SLC22A4: variants seen among roughly 807,000 people sequenced by gnomAD.
SLC22A4 encodes the protein solute carrier family 22 member 4.
A neutral mutation model predicts 56.6 loss-of-function variants in SLC22A4; 39 were observed. The ratio of observed to expected loss-of-function variants is 0.69; its 90% CI spans 0.53 to 0.90. The LOEUF is 0.90. Among genes scored for constraint, SLC22A4 ranks in the 40% least tolerant of loss-of-function variants. The pLI, the probability that SLC22A4 is intolerant of heterozygous loss-of-function variation, is 0.00. For synonymous variants in SLC22A4, 241 were observed against 281.4 expected, an observed-to-expected ratio of 0.86 and a Z score of 1.44; for missense variants, 594 against 696.5, an observed-to-expected ratio of 0.85 and a Z score of 1.66.
rs189547822 is a variant in SLC22A4, at chr5:132,308,802, G to T, written c.394-3359G>T. Among the ~76,000 whole-genome samples the T allele has an allele frequency of 6.0e-4, 92 of 152,330 alleles. 1 individual carries two copies. The highest frequency in any genetic ancestry group is 2.1e-4 in the Non-Finnish European group (14 of 68,024). ...GTAACCCCGGGAGGCCCCATCAGAG[G>T]GGCAGGGAGAGGGGAGGTAAGCTAT... On this transcript the variant is annotated intron_variant, in intron 1 of 9. Coordinates refer to ENST00000200652, the MANE Select transcript of SLC22A4 (RefSeq NM_003059.3).
At chr5:132,312,862 G>A (rs769165924) in intron 2 of SLC22A4, among the ~76,000 whole-genome samples, 20 of 152,322 alleles carry the variant, frequency 1.3e-4, no homozygotes, top group Admixed American at 7.2e-4. Flanking sequence ...GTACTAAATG[G>A]CAATGCTGGG....
chr5:132,326,358 A>C (rs1477953154), intron 4 of SLC22A4, among the ~76,000 whole-genome samples: 1 of 152,266 alleles, frequency 6.6e-6, no homozygotes, highest in Non-Finnish European at 1.5e-5. Flanking sequence ...TATTTCATGT[A>C]ATTTATTAAA....
At chr5:132,318,323 C>T (rs1048185865) in intron 3 of SLC22A4, among the ~76,000 whole-genome samples, 4 of 152,194 alleles carry the variant, frequency 2.6e-5, no homozygotes, top group Non-Finnish European at 5.9e-5. Context: ...CCCTCCTAGG[C>T]ACTTTGCATA....
intron 5 of SLC22A4, among the ~76,000 whole-genome samples, chr5:132,331,089 T>C (rs1750844343): frequency 6.6e-6 from 1 of 152,100 alleles, no homozygotes. Context: ...TCCCAGCACT[T>C]TGGGAGGCCA....
At position 132,318,372 on chromosome 5, in the gene SLC22A4, C is replaced by T. The variant is rs372099972; in HGVS notation, c.653-3812C>T. 3.2e-4 allele frequency among the ~76,000 whole-genome samples: 48 copies of T among 152,292 alleles called. No individual in the cohort carries two copies. In the South Asian group the frequency reaches 5.6e-3, roughly 18 times the overall value. ...TTCATAATAATATCTCCATGAAAGA[C>T]GGCTTATCACAGTCACTCTAGTAGC... On this transcript the variant is annotated intron_variant, in intron 3 of 9. Coordinates refer to ENST00000200652, the MANE Select transcript of SLC22A4 (RefSeq NM_003059.3).
In SLC22A4 at chr5:132,340,570, T is replaced by C; in HGVS notation, c.1450T>C (p.Tyr484His). The C allele has an allele frequency of 6.2e-7, 1 of 1,614,028 alleles. No individual in the cohort carries two copies. The highest frequency in any genetic ancestry group is 1.7e-5 in the Admixed American group (1 of 60,016). The change falls in exon 9 of 10, where the codon TAC becomes CAC. Residue 484 changes from tyrosine to histidine, a missense_variant. Coordinates refer to ENST00000200652, the MANE Select transcript of SLC22A4 (RefSeq NM_003059.3). ...TTATGTCCCGGGCTTTACAGGTGCTTACAACAGAATGCTGCCCTACATCGT... is the reference window on the plus strand; with the variant it reads ...TTATGTCCCGGGCTTTACAGGTGCTCACAACAGAATGCTGCCCTACATCGT... Reference protein sequence around the residue: ...IAPYFVYLGAYNRMLPYIVMG... With the variant: ...IAPYFVYLGAHNRMLPYIVMG...
At chr5:132,326,403 T>C (rs944573700) in intron 4 of SLC22A4, among the ~76,000 whole-genome samples, 1 of 152,232 alleles carries the variant, frequency 6.6e-6, no homozygotes, top group Non-Finnish European at 1.5e-5. Context: ...AATGGCTGTA[T>C]GTATGAGCAC....
chr5:132,295,693 G>T, intron 1 of SLC22A4: 1 of 197,160 alleles, frequency 5.1e-6, no homozygotes, highest in Non-Finnish European at 1.1e-5. Context: ...TAAGTTCCAG[G>T]AATGAGGATG....
chr5:132,331,897 T>C (rs780826786), intron 6 of SLC22A4, 47 bp downstream of exon 6: 13 of 1,183,628 alleles, frequency 1.1e-5, no homozygotes, highest in Non-Finnish European at 1.5e-5. Context: ...CACATAAGTA[T>C]GCAACTGATT....
chr5:132,328,577 A>AAACAAC (rs4646197), intron 5 of SLC22A4, among the ~76,000 whole-genome samples: 2 of 150,320 alleles, frequency 1.3e-5, no homozygotes, highest in South Asian at 4.2e-4. Flanking sequence ...TAAATGGATA[A>AAACAAC]AACAACAACA....
chr5:132,325,930 C>G (rs1750675214), intron 4 of SLC22A4, among the ~76,000 whole-genome samples: 1 of 152,188 alleles, frequency 6.6e-6, no homozygotes, highest in Non-Finnish European at 1.5e-5. Flanking sequence ...TTGCCCCTTT[C>G]CATGGCAATG....
intron 3 of SLC22A4, among the ~76,000 whole-genome samples, chr5:132,319,034 A>T (rs1175139514): frequency 6.6e-6 from 1 of 152,164 alleles, no homozygotes; most frequent in East Asian, 1.9e-4. Context: ...AAGCCAAGGA[A>T]GGGAAAATGT....
chr5:132,304,789 G>C (rs1749986642), intron 1 of SLC22A4, among the ~76,000 whole-genome samples: 1 of 145,772 alleles, frequency 6.9e-6, no homozygotes, highest in Non-Finnish European at 1.5e-5. Context: ...AACAGTAACT[G>C]CCTGAGAGGG....
chr5:132,332,081 AGGTG>A, intron 6 of SLC22A4: 3 of 474,166 alleles, frequency 6.3e-6, no homozygotes, highest in Non-Finnish European at 1.2e-5. Context: ...TGGGAGGCCA[AGGTG>A]GGCAGATCAC....
At chr5:132,340,488 A>G (rs1751179881) in intron 8 of SLC22A4, 77 bp from the exon 9 acceptor site, 1 of 1,380,674 alleles carries the variant, frequency 7.2e-7, no homozygotes, top group Non-Finnish European at 1.0e-6. Context: ...CTGTTCACCA[A>G]CTTCACAAAA....
chr5:132,310,101 A>T (rs1211737468), intron 1 of SLC22A4, among the ~76,000 whole-genome samples: 1 of 152,224 alleles, frequency 6.6e-6, no homozygotes, highest in African/African-American at 2.4e-5. Flanking sequence ...TCCTTGAAGA[A>T]GTGTAGGGCA....
chr5:132,309,631 G>A (rs1222834518), intron 1 of SLC22A4, among the ~76,000 whole-genome samples: 1 of 152,250 alleles, frequency 6.6e-6, no homozygotes, highest in Admixed American at 6.5e-5. Context: ...CCCTGCCAGG[G>A]CCAGCTTCAT....
intron 1 of SLC22A4, among the ~76,000 whole-genome samples, chr5:132,301,877 C>G (rs941455532): frequency 4.6e-5 from 7 of 152,232 alleles, no homozygotes; most frequent in African/African-American, 1.7e-4. Flanking sequence ...GGTGTGGAGA[C>G]TGTCAAGATA....
In SLC22A4 at chr5:132,294,572, C is replaced by A. The variant is rs574334825; in HGVS notation, c.-45C>A. 1.2e-6 allele frequency: 2 copies of A among 1,613,612 alleles called. No individual in the cohort carries two copies. The highest frequency in any genetic ancestry group is 2.7e-5 in the African/African-American group (2 of 75,046). The stretch of plus-strand genomic sequence containing the variant: ...GCTACAAGACACTGTCCTGAGAACG[C>A]TGTCATCACCCGTAGTTGCAAGTTT... On this transcript the variant is annotated 5_prime_UTR_variant, in exon 1 of 10. The change creates a new upstream start codon in the 5' untranslated region. Coordinates refer to ENST00000200652, the MANE Select transcript of SLC22A4 (RefSeq NM_003059.3). This position sits in a 1 kb window ranked among gnomAD's most constrained non-coding sequence, Gnocchi z 5.6.
Sources: allele counts gnomAD v4.1 joint callset (sites outside exome capture counted in the v4.1 genomes callset), GRCh38; gene constraint gnomAD v4.1.1; non-coding constraint Gnocchi (gnomAD v3.1); transcripts MANE v1.5; gene names NCBI Gene and HGNC (gene_info 2026-07-23, HGNC 2026-07-21).